The following HYDIN variants were observed in gnomAD, a reference collection of about 807,000 sequenced individuals.
HYDIN encodes the protein axonemal central pair apparatus protein HYDIN.
A neutral mutation model predicts 403.9 loss-of-function variants in HYDIN; 132 were observed. The ratio of observed to expected loss-of-function variants is 0.33; its 90% CI spans 0.28 to 0.38. HYDIN has a LOEUF of 0.38. Ranked by LOEUF, HYDIN falls within the 10% of genes least tolerant of loss-of-function variation. HYDIN has a pLI of 1.00. For synonymous variants in HYDIN, 1,202 were observed against 1,891.7 expected (o/e 0.64, Z 9.46); for missense variants, 2,827 against 5,009.5 (o/e 0.56, Z 13.15).
intron 23 of HYDIN, among the ~76,000 whole-genome samples, chr16:71,008,665 A>G (rs1379703024): frequency 4.9e-5 from 7 of 143,686 alleles, no homozygotes; most frequent in African/African-American, 1.8e-4. Context: ...GGCTTCAAAA[A>G]TAGGCAGGTT....
intron 35 of HYDIN, among the ~76,000 whole-genome samples, chr16:70,971,947 T>A (rs1009476845): frequency 7.2e-5 from 11 of 152,360 alleles, no homozygotes; most frequent in Non-Finnish European, 1.5e-5. Context: ...GGCTAACCAA[T>A]TCCTTGTATA....
At chr16:71,222,454 T>C (rs936242891) in intron 1 of HYDIN, among the ~76,000 whole-genome samples, 5 of 152,090 alleles carry the variant, frequency 3.3e-5, no homozygotes, top group Non-Finnish European at 2.9e-5. Flanking sequence ...TTCACCACTT[T>C]TATTTGACAT....
At chr16:70,842,799 A>G (rs1453912929) in intron 75 of HYDIN, among the ~76,000 whole-genome samples, 3 of 151,948 alleles carry the variant, frequency 2.0e-5, no homozygotes, top group African/African-American at 7.3e-5. Context: ...TAAACAAATC[A>G]CTAGTCAATT....
intron 9 of HYDIN, among the ~76,000 whole-genome samples, chr16:71,126,735 G>GT (rs2084479223): frequency 6.6e-6 from 1 of 152,168 alleles, no homozygotes; most frequent in Non-Finnish European, 1.5e-5. Context: ...ATGTTTCTTT[G>GT]TTTTTGTAAT....
intron 55 of HYDIN, 59 bp from the exon 56 acceptor site, chr16:70,892,588 G>A: frequency 1.9e-6 from 3 of 1,554,116 alleles, no homozygotes; most frequent in Non-Finnish European, 2.6e-6. Context: ...CAAGATCCCA[G>A]AGAGGAGACT....
chr16:71,014,520 T>C (rs372285314), intron 23 of HYDIN, among the ~76,000 whole-genome samples: 3 of 151,976 alleles, frequency 2.0e-5, no homozygotes, highest in African/African-American at 7.3e-5. Flanking sequence ...TCAACCATGA[T>C]GAGTGCATCA....
intron 1 of HYDIN, among the ~76,000 whole-genome samples, chr16:71,206,546 T>A (rs1330812359): frequency 2.6e-5 from 4 of 152,188 alleles, no homozygotes; most frequent in Non-Finnish European, 4.4e-5. Context: ...ACCACACTAG[T>A]TCTCCAGCAA....
intron 13 of HYDIN, among the ~76,000 whole-genome samples, chr16:71,070,924 C>T (rs1389861817): frequency 6.6e-6 from 1 of 150,544 alleles, no homozygotes; most frequent in Non-Finnish European, 1.5e-5. Flanking sequence ...AACACACCTG[C>T]CAACCTACTT....
chr16:70,846,342 T>C (rs1456176826), intron 75 of HYDIN, among the ~76,000 whole-genome samples: 1 of 151,250 alleles, frequency 6.6e-6, no homozygotes, highest in Non-Finnish European at 1.5e-5. Flanking sequence ...TTCCATGTAG[T>C]TGAGCGGCTT....
intron 53 of HYDIN, among the ~76,000 whole-genome samples, chr16:70,897,366 T>C (rs1166184149): frequency 6.6e-6 from 1 of 152,170 alleles, no homozygotes; most frequent in Admixed American, 6.5e-5. Flanking sequence ...TGCATGTGCT[T>C]TGGGTGCCAG....
At position 70,974,539 on chromosome 16, in the gene HYDIN, T is replaced by C. The variant is rs1292709811; in HGVS notation, c.4904A>G (p.Glu1635Gly). ...GGTCTCCCCAGCCTGGGTACCTGTC[T>C]CATGAAGGACACGCTTGTCTGCATG... ...SFHADKRVLH[E>G]TGFSTELDRV... The change falls in exon 32 of 86, where the codon GAG becomes GGG. Residue 1635 changes from glutamate (E) to glycine (G), a missense_variant. Physicochemically the swap from Glu to Gly is moderately conservative, Grantham distance 98. Transcript: ENST00000393567. The C allele has an allele frequency of 2.0e-5, 32 of 1,607,788 alleles. No individual in the cohort carries two copies. The highest frequency in any genetic ancestry group is 2.7e-5 in the African/African-American group (2 of 74,388).
At chr16:71,040,037 A>G (rs2081233585) in intron 18 of HYDIN, among the ~76,000 whole-genome samples, 1 of 150,654 alleles carries the variant, frequency 6.6e-6, no homozygotes, top group African/African-American at 2.4e-5. Flanking sequence ...AGATGCTGCC[A>G]CAGGGCTTGC....
chr16:70,826,853 G>C (rs1158210946), intron 83 of HYDIN, among the ~76,000 whole-genome samples: 1 of 129,158 alleles, frequency 7.7e-6, no homozygotes, highest in Non-Finnish European at 1.6e-5. Context: ...ATCTATAAAT[G>C]AAAAATTCCC....
intron 55 of HYDIN, among the ~76,000 whole-genome samples, chr16:70,892,926 G>A (rs2041560105): frequency 6.6e-6 from 1 of 152,174 alleles, no homozygotes; most frequent in African/African-American, 2.4e-5. Context: ...AGACAGCAGG[G>A]AGGGGGCAGG....
At chr16:71,115,907 G>A (rs1257973129) in intron 9 of HYDIN, 112 bp from the exon 10 acceptor site, 12 of 628,358 alleles carry the variant, frequency 1.9e-5, no homozygotes, top group Non-Finnish European at 3.1e-5. Flanking sequence ...AATTGTATAT[G>A]TTTAAGGTAT....
chr16:70,817,255 T>C (rs1372057455), intron 84 of HYDIN: 1 of 151,826 alleles, frequency 6.6e-6, no homozygotes, highest in African/African-American at 2.4e-5. Context: ...GGAACTCTCA[T>C]CACTAATTGG....
intron 29 of HYDIN, among the ~76,000 whole-genome samples, chr16:70,979,365 G>C (rs1415633305): frequency 6.6e-6 from 1 of 151,628 alleles, no homozygotes; most frequent in Admixed American, 6.6e-5. Context: ...GGTTTTCTTG[G>C]TTCTAGCACT....
chr16:70,891,248 G>C (rs1353926485), intron 57 of HYDIN, among the ~76,000 whole-genome samples: 1 of 152,042 alleles, frequency 6.6e-6, no homozygotes, highest in East Asian at 1.9e-4. Flanking sequence ...GAGTGCAGTG[G>C]CGCGATCTCG....
chr16:71,221,780 T>C (rs904499010), intron 1 of HYDIN, among the ~76,000 whole-genome samples: 7 of 152,202 alleles, frequency 4.6e-5, no homozygotes, highest in Admixed American at 3.3e-4. Flanking sequence ...AGAAGAAATA[T>C]AGTGTTAAAT....
Sources: gnomAD v4.1 joint callset for allele counts (sites outside exome capture counted in the v4.1 genomes callset) on GRCh38, gnomAD v4.1.1 for gene constraint, MANE v1.5 for transcripts, NCBI Gene and HGNC (gene_info 2026-07-23, HGNC 2026-07-21) for gene names.